The following CMSS1 variants were observed in gnomAD, a reference collection of about 807,000 sequenced individuals.
CMSS1 encodes the protein cms1 ribosomal small subunit homolog.
CMSS1 carries 33 observed loss-of-function variants against 43.5 expected under a neutral mutation model. That is an observed-to-expected ratio of 0.76 (90% CI 0.57 to 1.01). The LOEUF (loss-of-function observed/expected upper bound fraction) is 1.01. Ranked by LOEUF, CMSS1 falls within the 50% of genes least tolerant of loss-of-function variation. The pLI is 0.00. For synonymous variants in CMSS1, 115 were observed against 117.2 expected (o/e 0.98, Z 0.12); for missense variants, 313 against 326.4 (o/e 0.96, Z 0.32).
At chr3:100,078,948 A>G (rs1474154681) in intron 1 of CMSS1, among the ~76,000 whole-genome samples, 3 of 152,106 alleles carry the variant, frequency 2.0e-5, no homozygotes, top group Non-Finnish European at 4.4e-5. Context: ...AAAGTTCACT[A>G]ATTTGTGTTG....
chr3:100,177,476 GTTATTT>G (rs1275935410), intron 9 of CMSS1, among the ~76,000 whole-genome samples: 1 of 152,160 alleles, frequency 6.6e-6, no homozygotes, highest in African/African-American at 2.4e-5. Flanking sequence ...GTCACCCATA[GTTATTT>G]TTATTCTGTT....
intron 1 of CMSS1, among the ~76,000 whole-genome samples, chr3:100,005,895 A>G (rs1308946799): frequency 2.6e-5 from 4 of 152,144 alleles, no homozygotes; most frequent in Non-Finnish European, 5.9e-5. Context: ...GCTGCTTGCT[A>G]CCCACCATCT....
At chr3:100,040,064 A>G (rs1318581836) in intron 1 of CMSS1, 1 of 152,092 alleles carries the variant, frequency 6.6e-6, no homozygotes, top group African/African-American at 2.4e-5. Context: ...CATAGTTAAC[A>G]ACTTTCTTGA....
intron 1 of CMSS1, among the ~76,000 whole-genome samples, chr3:100,117,531 A>G (rs533427705): frequency 2.0e-5 from 3 of 152,134 alleles, no homozygotes; most frequent in African/African-American, 7.2e-5. Context: ...AAACTCTCCT[A>G]TAGAACTGTG....
intron 1 of CMSS1, among the ~76,000 whole-genome samples, chr3:99,961,250 T>TC (rs1252938202): frequency 2.6e-5 from 4 of 152,206 alleles, no homozygotes; most frequent in Non-Finnish European, 5.9e-5. Flanking sequence ...GCAGGTGTTA[T>TC]CCCCTGTGTT....
intron 7 of CMSS1, 83 bp from the exon 8 acceptor site, chr3:100,172,233 T>G: frequency 3.2e-6 from 4 of 1,248,552 alleles, no homozygotes; most frequent in Non-Finnish European, 4.6e-6. Context: ...TTTCTTAACT[T>G]TGAGATAAAA....
intron 1 of CMSS1, among the ~76,000 whole-genome samples, chr3:100,104,721 T>C (rs1004844390): frequency 1.3e-5 from 2 of 152,184 alleles, no homozygotes; most frequent in African/African-American, 2.4e-5. Flanking sequence ...ACTGATGTTC[T>C]CAGCTTGTTA....
chr3:100,151,811 A>C (rs1240992804), intron 2 of CMSS1, among the ~76,000 whole-genome samples: 1 of 152,210 alleles, frequency 6.6e-6, no homozygotes, highest in East Asian at 1.9e-4. Context: ...CAAGGATTGC[A>C]AAGTCTCATC....
intron 1 of CMSS1, among the ~76,000 whole-genome samples, chr3:100,001,281 C>T (rs1051655232): frequency 6.6e-6 from 1 of 152,176 alleles, no homozygotes; most frequent in Non-Finnish European, 1.5e-5. Flanking sequence ...TTTATTGGAA[C>T]ATGGCTATAC....
chr3:99,848,040 C>G, intron 1 of CMSS1: 1 of 1,221,894 alleles, frequency 8.2e-7, no homozygotes, highest in Non-Finnish European at 1.0e-6. Context: ...TGTATTTATA[C>G]AAGTGCAGAC....
At chr3:100,006,725 TTAA>T (rs2107181595) in intron 1 of CMSS1, among the ~76,000 whole-genome samples, 1 of 151,990 alleles carries the variant, frequency 6.6e-6, no homozygotes, top group East Asian at 1.9e-4. Flanking sequence ...AGTTTGCTAG[TTAA>T]GTTAGGAAAT....
At chr3:99,883,120 A>T (rs1705783169) in intron 1 of CMSS1, among the ~76,000 whole-genome samples, 2 of 152,238 alleles carry the variant, frequency 1.3e-5, no homozygotes, top group African/African-American at 4.8e-5. Context: ...GTCTACGCTT[A>T]GATTGAATTA....
chr3:99,986,095 C>G (rs551137959), intron 1 of CMSS1, among the ~76,000 whole-genome samples: 70 of 152,196 alleles, frequency 4.6e-4, no homozygotes, highest in Non-Finnish European at 9.4e-4. Context: ...ATTTATTTCA[C>G]TTGTGTTTTC....
In CMSS1 at chr3:99,818,078, C is replaced by T. The variant is rs11916161; in HGVS notation, c.64+35C>T. On this transcript the variant is annotated intron_variant, in intron 1 of 9. Coordinates refer to ENST00000421999, the MANE Select transcript of CMSS1 (RefSeq NM_032359.4). ...CTGTGCCCGCGCTCCTACGGGGCCT[C>T]TCCCGGAGCCCTTCCGTGCGCCTCA... is the stretch of plus-strand genomic sequence containing the variant. 1.4e-5 allele frequency: 23 copies of T among 1,599,412 alleles called. No individual in the cohort carries two copies. In the African/African-American group the frequency reaches 2.8e-4, roughly 20 times the overall value.
At chr3:100,111,935 A>G (rs749899248) in intron 1 of CMSS1, among the ~76,000 whole-genome samples, 21 of 152,352 alleles carry the variant, frequency 1.4e-4, no homozygotes, top group South Asian at 8.3e-4. Flanking sequence ...TCAAATCACT[A>G]GTAATCAGAC....
intron 1 of CMSS1, among the ~76,000 whole-genome samples, chr3:99,836,028 G>A (rs1477125564): frequency 2.0e-5 from 3 of 152,180 alleles, no homozygotes; most frequent in South Asian, 4.1e-4. Flanking sequence ...GAGATGAAAC[G>A]AAAGATGAAG....
At chr3:99,854,861 A>G (rs1235230380) in intron 1 of CMSS1, among the ~76,000 whole-genome samples, 2 of 152,284 alleles carry the variant, frequency 1.3e-5, no homozygotes, top group African/African-American at 4.8e-5. Flanking sequence ...TGGTGATTTT[A>G]TCTTCCCTGC....
rs75847053 is a variant in CMSS1, at chr3:99,912,362, A to T, written c.64+94319A>T. 1.9e-3 allele frequency among the ~76,000 whole-genome samples: 283 copies of T among 152,230 alleles called. 1 individual carries two copies. Among genetic ancestry groups the T allele is most frequent in the African/African-American group, 6.5e-3 (272 of 41,546 alleles). On this transcript the variant is annotated intron_variant, in intron 1 of 9. Coordinates refer to ENST00000421999, the MANE Select transcript of CMSS1 (RefSeq NM_032359.4). ...TGTAGTGTCACTGCTTAATGGGCAC[A>T]GGGCTGCTGCTTCTTTTTTCTGTTT...
chr3:99,971,805 G>A (rs1371193277), intron 1 of CMSS1, among the ~76,000 whole-genome samples: 1 of 152,196 alleles, frequency 6.6e-6, no homozygotes, highest in African/African-American at 2.4e-5. Context: ...AACAGAGTCG[G>A]TTCCTAGCTT....
Sources: allele counts gnomAD v4.1 joint callset (sites outside exome capture counted in the v4.1 genomes callset), GRCh38; gene constraint gnomAD v4.1.1; transcripts MANE v1.5; gene names NCBI Gene and HGNC (gene_info 2026-07-23, HGNC 2026-07-21).